The following FHIP1A variants were observed in gnomAD, a reference collection of about 807,000 sequenced individuals.
FHIP1A encodes FHF complex subunit HOOK interacting protein 1A, also known as FHF complex subunit HOOK-interacting protein 1A.
In FHIP1A, 61 loss-of-function variants were observed where a neutral mutation model predicts 88.6. That is an observed-to-expected ratio of 0.69 (90% confidence interval 0.56 to 0.85). The LOEUF (loss-of-function observed/expected upper bound fraction) is 0.85, where lower values mean the gene tolerates loss of function less well. Among genes scored for constraint, FHIP1A ranks in the 40% least tolerant of loss-of-function variants. The pLI is 0.00. For synonymous variants in FHIP1A, 478 were observed against 496.0 expected (o/e 0.96, Z 0.48); for missense variants, 1,154 against 1,273.5 (o/e 0.91, Z 1.43).
chr4:151,555,255 A>G (rs543549249), intron 3 of FHIP1A, among the ~76,000 whole-genome samples: 37 of 152,270 alleles, frequency 2.4e-4, no homozygotes, highest in African/African-American at 8.7e-4. Context: ...TCTAGCCTTT[A>G]AATGTATTGC....
At chr4:151,429,598 T>C (rs2724566) in intron 1 of FHIP1A, among the ~76,000 whole-genome samples, 54,891 of 151,998 alleles carry the variant, frequency 0.36, 10,384 homozygotes, top group Non-Finnish European at 0.43. Context: ...CCTGTAATCC[T>C]GACACTTTGG....
At position 151,646,521 on chromosome 4, in the gene FHIP1A, T is replaced by C. The variant is rs374542163; in HGVS notation, c.1227-37T>C. ...TAGTCCCAGTAATGGTTCAAGACAT[T>C]GCAGAGACCAAACGCTTGTTCTTTT... is the stretch of plus-strand genomic sequence containing the variant. On this transcript the variant is annotated intron_variant, in intron 9 of 13. Transcript: ENST00000435205. The C allele has an allele frequency of 2.8e-5, 42 of 1,474,860 alleles. 1 individual carries two copies. The South Asian group carries it at 4.3e-4, about 15-fold the overall frequency. The allele number at this position is 1,474,860 out of a possible 1,614,324, so 91.4% of individuals were successfully genotyped here. A position where few individuals can be genotyped will look rare whatever the true frequency, so the allele number is the denominator to read the frequency against.
chr4:151,424,824 G>A (rs1471865530), intron 1 of FHIP1A, among the ~76,000 whole-genome samples: 1 of 146,334 alleles, frequency 6.8e-6, no homozygotes, highest in Non-Finnish European at 1.5e-5. Context: ...AAAAAAAAAA[G>A]TTGTATTTCA....
chr4:151,434,775 CTG>C (rs1475229271), intron 1 of FHIP1A, among the ~76,000 whole-genome samples: 7 of 152,176 alleles, frequency 4.6e-5, no homozygotes, highest in African/African-American at 1.7e-4. Context: ...CCTCAGAACA[CTG>C]TGTAGTATTA....
At position 151,489,585 on chromosome 4, in the gene FHIP1A, A is replaced by G. The variant is rs552059289; in HGVS notation, c.-123+6937A>G. Among the ~76,000 whole-genome samples, 7 of 152,236 alleles carry G rather than the reference A, an allele frequency of 4.6e-5. No homozygotes were observed. The South Asian group carries it at 1.5e-3, about 32-fold the overall frequency. ...GCAGGGAGGCTTGTAGCCTGGGGCA[A>G]GATCTCAGCCCTGCTTGCCAGCTGC... On this transcript the variant is annotated intron_variant, in intron 3 of 13. Transcript: ENST00000435205.
At chr4:151,546,421 T>C (rs1305999911) in intron 3 of FHIP1A, among the ~76,000 whole-genome samples, 3 of 152,240 alleles carry the variant, frequency 2.0e-5, no homozygotes, top group Non-Finnish European at 4.4e-5. Context: ...TTGGCCTCCA[T>C]AATTGCGTGA....
At chr4:151,420,803 G>C (rs1362589828) in intron 1 of FHIP1A, among the ~76,000 whole-genome samples, 1 of 152,200 alleles carries the variant, frequency 6.6e-6, no homozygotes, top group Non-Finnish European at 1.5e-5. Context: ...TCAACCTAGG[G>C]AAGGAAAGGC....
rs948534724 is a variant in FHIP1A, at chr4:151,668,938, G to C, written c.*6184G>C. On this transcript the variant is annotated 3_prime_UTR_variant, in exon 14 of 14. Coordinates refer to ENST00000435205, the MANE Select transcript of FHIP1A (RefSeq NM_001109977.3). ...CTCAGCATTATACACCCAGCCTACA[G>C]GTGTGTGGATTCCTGAGACAGATGG... Among the ~76,000 whole-genome samples the C allele has an allele frequency of 2.0e-5, 3 of 152,046 alleles. No homozygotes were observed. Among genetic ancestry groups the C allele is most frequent in the Non-Finnish European group, 4.4e-5 (3 of 68,018 alleles).
At chr4:151,513,700 G>C (rs1054417666) in intron 3 of FHIP1A, among the ~76,000 whole-genome samples, 12 of 152,170 alleles carry the variant, frequency 7.9e-5, no homozygotes, top group Admixed American at 3.3e-4. Context: ...GCAAAAGAGA[G>C]AAAGAAGGCC....
chr4:151,509,719 T>G (rs1460771611), intron 3 of FHIP1A, among the ~76,000 whole-genome samples: 4 of 152,002 alleles, frequency 2.6e-5, no homozygotes, highest in Non-Finnish European at 5.9e-5. Flanking sequence ...TCCTTTCCCG[T>G]TGAGCTGCTC....
rs1481682879 is a variant in FHIP1A, at chr4:151,669,374, T to C, written c.*6620T>C. 6.6e-6 allele frequency among the ~76,000 whole-genome samples: 1 copy of C among 152,198 alleles called. No homozygotes were observed. The highest frequency in any genetic ancestry group is 1.5e-5 in the Non-Finnish European group (1 of 68,026). Reference sequence around the variant, plus strand: ...TTAATACAGTTTGCACTTGACATAATAGTTTTGGTAAATGTCTTTTTCTGG... The same window carrying C: ...TTAATACAGTTTGCACTTGACATAACAGTTTTGGTAAATGTCTTTTTCTGG... On this transcript the variant is annotated 3_prime_UTR_variant, in exon 14 of 14. Coordinates refer to ENST00000435205, the MANE Select transcript of FHIP1A (RefSeq NM_001109977.3).
intron 3 of FHIP1A, among the ~76,000 whole-genome samples, chr4:151,508,602 A>C (rs574958959): frequency 6.6e-6 from 1 of 152,330 alleles, no homozygotes; most frequent in East Asian, 1.9e-4. Flanking sequence ...GTTTAAACCA[A>C]AAAATTCAGC....
chr4:151,654,300 G>A (rs149146300), intron 11 of FHIP1A, among the ~76,000 whole-genome samples: 2 of 152,064 alleles, frequency 1.3e-5, no homozygotes, highest in Admixed American at 6.6e-5. Flanking sequence ...TCTCCACAGG[G>A]CATGGGATTC....
intron 7 of FHIP1A, among the ~76,000 whole-genome samples, chr4:151,592,251 C>T (rs967513611): frequency 6.6e-6 from 1 of 152,150 alleles, no homozygotes; most frequent in African/African-American, 2.4e-5. Flanking sequence ...TCTCCTGCCT[C>T]AGCCTCCTGA....
Position 151,646,550 on chromosome 4 carries a change from C to A in FHIP1A, c.1227-8C>A. On this transcript the variant is annotated splice_polypyrimidine_tract_variant and splice_region_variant and intron_variant, in intron 9 of 13. Coordinates refer to ENST00000435205, the MANE Select transcript of FHIP1A (RefSeq NM_001109977.3). ...GAGACCAAACGCTTGTTCTTTTTGT[C>A]ATTCTAGGTATCTGATCCCCTGCAA... 6.5e-7 allele frequency: 1 copy of A among 1,547,402 alleles called. No homozygotes were observed. The highest frequency in any genetic ancestry group is 1.2e-5 in the South Asian group (1 of 83,896).
chr4:151,631,238 C>T (rs1736146531), intron 8 of FHIP1A, among the ~76,000 whole-genome samples: 2 of 151,672 alleles, frequency 1.3e-5, no homozygotes, highest in African/African-American at 4.8e-5. Flanking sequence ...AAACCTTTAG[C>T]TAGGCTGAGA....
chr4:151,584,941 T>A (rs1408863770), intron 5 of FHIP1A, among the ~76,000 whole-genome samples: 1 of 152,166 alleles, frequency 6.6e-6, no homozygotes, highest in Non-Finnish European at 1.5e-5. Flanking sequence ...CTGCCAACCC[T>A]CGAAATCTGA....
At chr4:151,530,152 G>A (rs1381190006) in intron 3 of FHIP1A, among the ~76,000 whole-genome samples, 1 of 152,196 alleles carries the variant, frequency 6.6e-6, no homozygotes, top group Admixed American at 6.5e-5. Context: ...CAGGATTGGA[G>A]TGGGGGTGGT....
intron 1 of FHIP1A, among the ~76,000 whole-genome samples, chr4:151,453,660 G>C (rs1033204396): frequency 1.3e-5 from 2 of 152,126 alleles, no homozygotes; most frequent in Non-Finnish European, 2.9e-5. Context: ...AGACCAGCTC[G>C]ACCAACATGG....
Sources: gnomAD v4.1 joint callset for allele counts (sites outside exome capture counted in the v4.1 genomes callset) on GRCh38, gnomAD v4.1.1 for gene constraint, MANE v1.5 for transcripts, NCBI Gene and HGNC (gene_info 2026-07-23, HGNC 2026-07-21) for gene names.